TBCK: variants seen among roughly 807,000 people sequenced by gnomAD.
TBCK encodes the protein TBC domain-containing protein kinase-like protein.
A neutral mutation model predicts 113.4 loss-of-function variants in TBCK; 99 were observed. That is an observed-to-expected ratio of 0.87 (90% CI 0.74 to 1.03). The LOEUF (loss-of-function observed/expected upper bound fraction) is 1.03. Among genes scored for constraint, TBCK ranks in the 50% least tolerant of loss-of-function variants. The pLI is 0.00. For missense variants in TBCK, 1,045 were observed against 1,061.3 expected (o/e 0.98, Z 0.21); for synonymous variants, 369 against 370.8 (o/e 1.00, Z 0.05).
chr4:106,122,410 G>A (rs1231448712), intron 23 of TBCK, among the ~76,000 whole-genome samples: 1 of 152,126 alleles, frequency 6.6e-6, no homozygotes, highest in Non-Finnish European at 1.5e-5. Flanking sequence ...AAGAGTCCAG[G>A]ACCAGATGGA....
Position 106,250,453 on chromosome 4 carries a change from T to G in TBCK, c.623A>C (p.Asp208Ala). The G allele has an allele frequency of 1.3e-6, 2 of 1,566,014 alleles. No individual in the cohort carries two copies. Among genetic ancestry groups the G allele is most frequent in the Non-Finnish European group, 1.7e-6 (2 of 1,147,120 alleles). ...CAAAAATTTTAGTCTTTCAGAAATA[T>G]CCAAGCTCTGAAATAATTTTCTTCC... ...CVGRKLFQSL[D>A]ISERLKFLLT... Residue 208 changes from aspartate to alanine, a missense_variant, in exon 7 of 26, where the codon GAT (aspartate) becomes GCT (alanine). Asp to Ala is a moderately radical substitution (Grantham distance 126). Coordinates refer to ENST00000394708, the MANE Select transcript of TBCK (RefSeq NM_001163435.3).
intron 22 of TBCK, among the ~76,000 whole-genome samples, chr4:106,180,309 G>A (rs1752195051): frequency 6.6e-6 from 1 of 151,896 alleles, no homozygotes; most frequent in African/African-American, 2.4e-5. Context: ...TTGTTTTGTA[G>A]ACACTTTCTT....
intron 12 of TBCK, among the ~76,000 whole-genome samples, chr4:106,240,027 T>C (rs1484049836): frequency 2.6e-5 from 4 of 151,502 alleles, no homozygotes; most frequent in Non-Finnish European, 5.9e-5. Context: ...AAAGGAAAAA[T>C]GAAATCATGA....
In TBCK at chr4:106,193,687, C is replaced by T; in HGVS notation, c.1981G>A (p.Ala661Thr). ...NSSFPFCIGV[A>T]ILQQLRDRLL... is the part of the protein sequence containing the mutation. ...CGGTCCCGCAGCTGCTGAAGAATTG[C>T]TACTCCAATACAGAATGGGAAAGAG... The change falls in exon 22 of 26, where the codon GCA becomes ACA. Residue 661 changes from alanine to threonine, a missense_variant. Transcript: ENST00000394708. 3 of 1,613,362 alleles carry T rather than the reference C, an allele frequency of 1.9e-6. No individual in the cohort carries two copies. The highest frequency in any genetic ancestry group is 2.5e-6 in the Non-Finnish European group (3 of 1,179,616).
intron 24 of TBCK, among the ~76,000 whole-genome samples, chr4:106,101,169 G>A (rs1741505715): frequency 6.6e-6 from 1 of 152,134 alleles, no homozygotes; most frequent in Non-Finnish European, 1.5e-5. Flanking sequence ...TCCTCAAACA[G>A]GACTGGCTGG....
chr4:106,285,889 A>G (rs1356566304), intron 3 of TBCK, among the ~76,000 whole-genome samples: 2 of 152,224 alleles, frequency 1.3e-5, no homozygotes, highest in Non-Finnish European at 2.9e-5. Context: ...AGGTTATAAA[A>G]TTGATTAAAA....
chr4:106,240,206 AAGAAT>A (rs1759934242), intron 12 of TBCK, among the ~76,000 whole-genome samples: 1 of 152,100 alleles, frequency 6.6e-6, no homozygotes, highest in Non-Finnish European at 1.5e-5. Context: ...ACTTATAACT[AAGAAT>A]AGAAGACCTC....
intron 22 of TBCK, among the ~76,000 whole-genome samples, chr4:106,187,286 TAGTTTGATAGGA>T (rs1753132512): frequency 6.6e-6 from 1 of 152,186 alleles, no homozygotes; most frequent in Non-Finnish European, 1.5e-5. Context: ...ATGTTGTTGG[TAGTTTGATAGGA>T]ATAGCACTGA....
In TBCK at chr4:106,044,970, A is replaced by G. The variant is rs560034793; in HGVS notation, c.*1600T>C. 5.3e-5 allele frequency: 8 copies of G among 152,360 alleles called. 1 individual carries two copies. The South Asian group carries it at 1.2e-3, about 24-fold the overall frequency. The allele number at this position is 152,360 out of a possible 1,614,324, so 9.4% of individuals were successfully genotyped here. A position where few individuals can be genotyped will look rare whatever the true frequency, so the allele number is the denominator to read the frequency against. ...TGAATGAACACTTTTTAGTTAAAAC[A>G]AAATTGAAGATAATTAAAGGATATG... On this transcript the variant is annotated 3_prime_UTR_variant, in exon 26 of 26. Transcript: ENST00000394708.
chr4:106,219,320 T>C (rs1651147509), intron 19 of TBCK, among the ~76,000 whole-genome samples: 3 of 151,260 alleles, frequency 2.0e-5, no homozygotes, highest in South Asian at 4.2e-4. Flanking sequence ...TGTATACGTA[T>C]GTAACTAACC....
intron 25 of TBCK, among the ~76,000 whole-genome samples, chr4:106,070,816 T>A (rs1209761495): frequency 6.6e-6 from 1 of 152,214 alleles, no homozygotes; most frequent in Non-Finnish European, 1.5e-5. Flanking sequence ...TGCCTCAATT[T>A]CAGAGCCTGT....
chr4:106,227,441 C>G (rs1156906318), intron 19 of TBCK, among the ~76,000 whole-genome samples: 5 of 151,398 alleles, frequency 3.3e-5, no homozygotes, highest in Non-Finnish European at 7.4e-5. Context: ...TTACATTTTC[C>G]TTTCTGCTTC....
At chr4:106,202,502 T>C (rs529209790) in intron 20 of TBCK, among the ~76,000 whole-genome samples, 23 of 152,066 alleles carry the variant, frequency 1.5e-4, no homozygotes, top group Non-Finnish European at 2.8e-4. Context: ...GTTGTTTTTT[T>C]ACGTTTTCAT....
chr4:106,268,148 C>T (rs1763156367), intron 3 of TBCK, among the ~76,000 whole-genome samples: 1 of 152,000 alleles, frequency 6.6e-6, no homozygotes, highest in South Asian at 2.1e-4. Context: ...AGCCAAGTGG[C>T]CCCTTTTTGA....
At chr4:106,207,107 GATAA>G (rs1250879451) in intron 20 of TBCK, among the ~76,000 whole-genome samples, 1 of 152,126 alleles carries the variant, frequency 6.6e-6, no homozygotes, top group Non-Finnish European at 1.5e-5. Flanking sequence ...AGACAAAAAT[GATAA>G]ATATCACCCT....
At chr4:106,144,852 C>T (rs112335958) in intron 23 of TBCK, among the ~76,000 whole-genome samples, 4,065 of 151,384 alleles carry the variant, frequency 0.027, 175 homozygotes, top group African/African-American at 0.094. Context: ...GGAGAAACCC[C>T]GTCTCTACTA....
intron 24 of TBCK, among the ~76,000 whole-genome samples, chr4:106,102,851 C>T (rs6849573): frequency 1.3e-5 from 2 of 151,822 alleles, no homozygotes; most frequent in East Asian, 3.9e-4. Flanking sequence ...CCATATTGTA[C>T]AGGGTCACAT....
chr4:106,099,986 A>T (rs1741360323), intron 24 of TBCK, among the ~76,000 whole-genome samples: 1 of 152,160 alleles, frequency 6.6e-6, no homozygotes, highest in South Asian at 2.1e-4. Context: ...TTCCAACCAA[A>T]CTAAATCATG....
intron 25 of TBCK, among the ~76,000 whole-genome samples, chr4:106,049,890 G>A (rs1734623215): frequency 6.6e-6 from 1 of 151,950 alleles, no homozygotes; most frequent in Non-Finnish European, 1.5e-5. Context: ...TTTTTAAAAG[G>A]CTCCCCCTTT....
Sources: allele counts gnomAD v4.1 joint callset (sites outside exome capture counted in the v4.1 genomes callset), GRCh38; gene constraint gnomAD v4.1.1; transcripts MANE v1.5; gene names NCBI Gene and HGNC (gene_info 2026-07-23, HGNC 2026-07-21).